PREX1: variants seen among roughly 807,000 people sequenced by gnomAD.
The protein encoded by PREX1 is phosphatidylinositol 3,4,5-trisphosphate-dependent Rac exchanger 1 protein.
PREX1 carries 41 observed loss-of-function variants against 198.3 expected under a neutral mutation model. That is an observed-to-expected ratio of 0.21 (90% confidence interval 0.16 to 0.27). PREX1 has a LOEUF of 0.27. PREX1 is among the 10% of genes least tolerant of loss of function. The pLI, the probability that PREX1 is intolerant of heterozygous loss-of-function variation, is 1.00. For synonymous variants in PREX1, 843 were observed against 887.2 expected (o/e 0.95, Z 0.89); for missense variants, 1,620 against 2,200.7 (o/e 0.74, Z 5.28).
At chr20:48,813,110 G>T (rs2090443826) in intron 1 of PREX1, among the ~76,000 whole-genome samples, 1 of 152,248 alleles carries the variant, frequency 6.6e-6, no homozygotes, top group African/African-American at 2.4e-5. Context: ...CCAGATGTCG[G>T]CCTGCCCTGC....
At chr20:48,677,395 C>A (rs2123006683) in intron 13 of PREX1, among the ~76,000 whole-genome samples, 1 of 152,294 alleles carries the variant, frequency 6.6e-6, no homozygotes, top group Non-Finnish European at 1.5e-5. Context: ...ACAGAAAAAT[C>A]TGCAGCTGGG....
the PREX1 span, among the ~76,000 whole-genome samples, chr20:48,852,455 A>G: frequency 2.0e-5 from 3 of 152,178 alleles, no homozygotes; most frequent in African/African-American, 7.2e-5. Flanking sequence ...CAAAATTATA[A>G]ATGCACCTAT....
chr20:48,743,833 G>C (rs920898438), intron 3 of PREX1, among the ~76,000 whole-genome samples: 3 of 152,258 alleles, frequency 2.0e-5, no homozygotes, highest in African/African-American at 7.2e-5. Context: ...CACGTAGAGA[G>C]TGGCTGGCCC....
intron 25 of PREX1, among the ~76,000 whole-genome samples, chr20:48,648,703 A>C (rs2089469244): frequency 6.6e-6 from 1 of 152,170 alleles, no homozygotes; most frequent in Non-Finnish European, 1.5e-5. Context: ...GAGTCTCTTT[A>C]ATCTCCAGCA....
At chr20:48,856,968 T>C in the PREX1 span, among the ~76,000 whole-genome samples, 2 of 152,174 alleles carry the variant, frequency 1.3e-5, no homozygotes, top group Non-Finnish European at 2.9e-5. Flanking sequence ...GCCTCCCGAG[T>C]AGCTGGGATT....
chr20:48,845,012 C>T, the PREX1 span, among the ~76,000 whole-genome samples: 1 of 152,180 alleles, frequency 6.6e-6, no homozygotes, highest in Admixed American at 6.5e-5. Context: ...TGCCACATTC[C>T]CCAAAAGACT....
the PREX1 span, among the ~76,000 whole-genome samples, chr20:48,866,819 C>T: frequency 6.6e-6 from 1 of 152,044 alleles, no homozygotes; most frequent in Non-Finnish European, 1.5e-5. Context: ...GTCCTAGCTA[C>T]TTAGGAGGCT....
intron 1 of PREX1, among the ~76,000 whole-genome samples, chr20:48,796,081 A>G (rs952147614): frequency 1.3e-5 from 2 of 152,182 alleles, no homozygotes; most frequent in Non-Finnish European, 2.9e-5. Flanking sequence ...CCTCATCCAC[A>G]ATGCATTAAT....
intron 15 of PREX1, among the ~76,000 whole-genome samples, chr20:48,661,080 C>A (rs140030102): frequency 4.9e-4 from 74 of 152,202 alleles, no homozygotes; most frequent in African/African-American, 1.8e-3. Context: ...AGCTGTACGG[C>A]CCACAAAGCC....
chr20:48,723,633 C>G (rs1037923574), intron 5 of PREX1, among the ~76,000 whole-genome samples: 4 of 152,180 alleles, frequency 2.6e-5, no homozygotes, highest in African/African-American at 9.7e-5. Flanking sequence ...GCAGAGTAAA[C>G]AGCCGTCTGG....
rs771949431 is a variant in PREX1, at chr20:48,681,306, C to T, written c.1364G>A (p.Gly455Asp). 6.2e-7 allele frequency: 1 copy of T among 1,614,232 alleles called. No individual in the cohort carries two copies. The highest frequency in any genetic ancestry group is 8.5e-7 in the Non-Finnish European group (1 of 1,180,042). ...TCCTTCTTCCGTCTTGCTGATTTCACCAATTTCTAGGAGCCAGGCAACGAA... is the reference window on the plus strand; with the variant it reads ...TCCTTCTTCCGTCTTGCTGATTTCATCAATTTCTAGGAGCCAGGCAACGAA... ...NEFVAWLLEI[G>D]EISKTEEGVN... Residue 455 changes from glycine (G) to aspartate (D), a missense_variant, in exon 11 of 40, where the codon GGT (glycine) becomes GAT (aspartate). Gly to Asp is a moderately conservative substitution (Grantham distance 94, BLOSUM62 -1). Transcript: ENST00000371941.
chr20:48,722,184 T>C (rs1012165159), intron 5 of PREX1, among the ~76,000 whole-genome samples: 4 of 152,076 alleles, frequency 2.6e-5, no homozygotes, highest in African/African-American at 9.7e-5. Context: ...TGACTCACAA[T>C]AGCCAGAAAG....
intron 1 of PREX1, among the ~76,000 whole-genome samples, chr20:48,790,457 G>A (rs1057467375): frequency 1.3e-5 from 2 of 151,860 alleles, no homozygotes; most frequent in African/African-American, 2.4e-5. Context: ...AGGGCTGCAA[G>A]GTAATTTAAG....
intron 14 of PREX1, among the ~76,000 whole-genome samples, chr20:48,673,185 T>C (rs6019359): frequency 0.51 from 77,738 of 151,956 alleles, 20,586 homozygotes; most frequent in South Asian, 0.65. Context: ...CCCTCTCCCC[T>C]GCCCATCCGC....
intron 35 of PREX1, among the ~76,000 whole-genome samples, chr20:48,631,162 A>G (rs1354622637): frequency 2.0e-5 from 3 of 152,206 alleles, no homozygotes; most frequent in Non-Finnish European, 4.4e-5. Flanking sequence ...CCTCCAGAAC[A>G]GGGGTCAGCG....
intron 1 of PREX1, among the ~76,000 whole-genome samples, chr20:48,802,284 C>T (rs1172513290): frequency 6.6e-6 from 1 of 152,142 alleles, no homozygotes; most frequent in Non-Finnish European, 1.5e-5. Flanking sequence ...CAACCCTTTG[C>T]CATGGCCTCC....
At chr20:48,887,624 TAATA>T in the PREX1 span, among the ~76,000 whole-genome samples, 2 of 122,744 alleles carry the variant, frequency 1.6e-5, no homozygotes, top group East Asian at 2.5e-4. Context: ...CAACTCAAAA[TAATA>T]AATAAACAAA....
At chr20:48,627,510 G>T in intron 39 of PREX1, 38 bp downstream of exon 39, 1 of 1,611,180 alleles carries the variant, frequency 6.2e-7, no homozygotes, top group Non-Finnish European at 8.5e-7. Flanking sequence ...TCGCCAGCTG[G>T]GAGTGGACAG....
intron 1 of PREX1, among the ~76,000 whole-genome samples, chr20:48,823,546 G>A (rs2090496620): frequency 6.6e-6 from 1 of 152,204 alleles, no homozygotes; most frequent in African/African-American, 2.4e-5. Context: ...AACACCAGCA[G>A]CATGACTCCA....
Sources: allele counts gnomAD v4.1 joint callset (sites outside exome capture counted in the v4.1 genomes callset), GRCh38; gene constraint gnomAD v4.1.1; transcripts MANE v1.5; gene names NCBI Gene and HGNC (gene_info 2026-07-23, HGNC 2026-07-21).